Variants in CTNNA2 observed in about 807,000 individuals in gnomAD.
CTNNA2 encodes the protein catenin alpha-2.
CTNNA2 carries 42 observed loss-of-function variants against 101.0 expected under a neutral mutation model. The ratio of observed to expected loss-of-function variants is 0.42; its 90% CI spans 0.32 to 0.54. The LOEUF (loss-of-function observed/expected upper bound fraction) is 0.54. CTNNA2 is among the 20% of genes least tolerant of loss of function. CTNNA2 has a pLI of 0.14. For synonymous variants in CTNNA2, 450 were observed against 456.4 expected (o/e 0.99, Z 0.18); for missense variants, 871 against 1,223.1 (o/e 0.71, Z 4.29).
rs1680060786 is a variant in CTNNA2, at chr2:79,636,294, A to AAAAAAAAAG, written c.-5-15253_-5-15252insAAAGAAAAA. ...CAAAAAAAAAAAAAAAAAAAAAAAA[A>AAAAAAAAAG]AAAAAGGAAGAAAAAGAAAAGAAAT... is the stretch of plus-strand genomic sequence containing the variant. On this transcript the variant is annotated intron_variant, in intron 1 of 18. Coordinates refer to ENST00000402739, the MANE Select transcript of CTNNA2 (RefSeq NM_001282597.3). 5.3e-5 allele frequency among the ~76,000 whole-genome samples: 7 copies of AAAAAAAAAG among 131,628 alleles called. 1 individual carries two copies. The highest frequency in any genetic ancestry group is 2.1e-4 in the African/African-American group (7 of 33,002). 86.4% of individuals were successfully genotyped at this position (131,628 alleles called of 152,430 possible). A position where few individuals can be genotyped will look rare whatever the true frequency, so the allele number is the denominator to read the frequency against.
At chr2:79,884,751 C>CTTTTTTTTTTTTTTTTTTTTTTTTT (rs375184305) in intron 6 of CTNNA2, among the ~76,000 whole-genome samples, 2 of 138,406 alleles carry the variant, frequency 1.4e-5, no homozygotes. Context: ...TTTAAATATG[C>CTTTTTTTTTTTTTTTTTTTTTTTTT]TTTTTTTTTT....
chr2:80,552,013 G>A (rs551353537), intron 11 of CTNNA2, among the ~76,000 whole-genome samples: 31 of 152,020 alleles, frequency 2.0e-4, no homozygotes, highest in Middle Eastern at 6.8e-3. Context: ...ATATTGTTGC[G>A]TCTCAGGGAA....
At chr2:80,457,041 C>A (rs540898554) in intron 9 of CTNNA2, among the ~76,000 whole-genome samples, 3 of 152,074 alleles carry the variant, frequency 2.0e-5, no homozygotes, top group Non-Finnish European at 4.4e-5. Context: ...TTGATATGCC[C>A]ATTGCCCTGA....
At chr2:79,715,685 A>G (rs1026856760) in intron 2 of CTNNA2, among the ~76,000 whole-genome samples, 5 of 152,170 alleles carry the variant, frequency 3.3e-5, no homozygotes, top group African/African-American at 9.7e-5. Context: ...TTCATCAATT[A>G]GAGGAAATGC....
At chr2:80,623,967 C>T (rs992966060) in intron 18 of CTNNA2, among the ~76,000 whole-genome samples, 5 of 144,446 alleles carry the variant, frequency 3.5e-5, no homozygotes, top group African/African-American at 1.2e-4. Context: ...AGCATGAGAA[C>T]TAAGAAAGAT....
At chr2:80,100,432 C>T (rs913311400) in intron 7 of CTNNA2, among the ~76,000 whole-genome samples, 1 of 152,212 alleles carries the variant, frequency 6.6e-6, no homozygotes, top group Non-Finnish European at 1.5e-5. Context: ...TTGTCTGTCT[C>T]ACTTTTTAAG....
intron 2 of CTNNA2, among the ~76,000 whole-genome samples, chr2:79,255,834 T>C (rs963918759): frequency 2.0e-5 from 3 of 152,170 alleles, no homozygotes; most frequent in African/African-American, 7.2e-5. Flanking sequence ...ATGAGGAAAG[T>C]TTCTTAGCTT....
At chr2:80,289,987 C>A (rs4522631) in intron 7 of CTNNA2, among the ~76,000 whole-genome samples, 1,905 of 152,230 alleles carry the variant, frequency 0.013, 40 homozygotes, top group African/African-American at 0.041. Context: ...AGGGGCCAAC[C>A]ACAGAGCTTG....
chr2:79,404,522 C>A (rs1350975359), intron 4 of CTNNA2, among the ~76,000 whole-genome samples: 1 of 152,022 alleles, frequency 6.6e-6, no homozygotes, highest in Non-Finnish European at 1.5e-5. Context: ...AATACTATAA[C>A]AAGAGCTGCC....
intron 7 of CTNNA2, among the ~76,000 whole-genome samples, chr2:80,188,472 A>G (rs1304987403): frequency 6.6e-6 from 1 of 152,160 alleles, no homozygotes; most frequent in Non-Finnish European, 1.5e-5. Context: ...TGAAACAACA[A>G]AAATTTATTA....
chr2:79,612,623 G>A (rs1316856730), intron 1 of CTNNA2, among the ~76,000 whole-genome samples: 1 of 152,124 alleles, frequency 6.6e-6, no homozygotes, highest in African/African-American at 2.4e-5. Flanking sequence ...AAAAAATTCA[G>A]ATGATTGTAG....
chr2:79,746,545 T>C (rs1348427440), intron 3 of CTNNA2, among the ~76,000 whole-genome samples: 1 of 152,238 alleles, frequency 6.6e-6, no homozygotes, highest in African/African-American at 2.4e-5. Context: ...GCACGTTGCA[T>C]AAATCTTAGT....
intron 3 of CTNNA2, chr2:79,339,497 A>G (rs1991920): frequency 0.13 from 20,361 of 152,232 alleles, 1,522 homozygotes; most frequent in Middle Eastern, 0.21. Flanking sequence ...TTCTTAAAAT[A>G]GTGAGTCTTT....
chr2:79,711,493 A>T (rs1441800992), intron 2 of CTNNA2, among the ~76,000 whole-genome samples: 1 of 152,216 alleles, frequency 6.6e-6, no homozygotes, highest in African/African-American at 2.4e-5. Flanking sequence ...AATACAAAAG[A>T]CAACCGAGTA....
Position 79,499,817 on chromosome 2 carries a change from C to G in CTNNA2, c.-134-5237C>G, listed in dbSNP as rs76237699. 2.5e-3 allele frequency among the ~76,000 whole-genome samples: 379 copies of G among 152,320 alleles called. 1 individual carries two copies. Among genetic ancestry groups the G allele is most frequent in the African/African-American group, 8.8e-3 (365 of 41,578 alleles). On this transcript the variant is annotated intron_variant, in intron 4 of 21. Coordinates refer to the CTNNA2 transcript ENST00000466387. ...GTATTATCAGAGTTCTCCAGAGAAA[C>G]AGAACCAATATGATTTGTGTGTATA... is the stretch of plus-strand genomic sequence containing the variant.
At chr2:80,173,820 G>GA (rs1350660113) in intron 7 of CTNNA2, among the ~76,000 whole-genome samples, 1 of 152,060 alleles carries the variant, frequency 6.6e-6, no homozygotes, top group African/African-American at 2.4e-5. Flanking sequence ...CTCACCTAGG[G>GA]AATGTACACA....
At chr2:79,517,630 A>G (rs963435597) in intron 1 of CTNNA2, among the ~76,000 whole-genome samples, 1 of 152,190 alleles carries the variant, frequency 6.6e-6, no homozygotes, top group Non-Finnish European at 1.5e-5. Context: ...TCAGCTTTAT[A>G]TTATACTACC....
chr2:79,590,760 A>G (rs1676795363), intron 1 of CTNNA2, among the ~76,000 whole-genome samples: 2 of 152,186 alleles, frequency 1.3e-5, no homozygotes, highest in South Asian at 4.1e-4. Context: ...TTGTCTTGCA[A>G]TACCAGTAGT....
chr2:79,914,896 A>G (rs1424858663), intron 7 of CTNNA2, among the ~76,000 whole-genome samples: 2 of 152,112 alleles, frequency 1.3e-5, no homozygotes, highest in Non-Finnish European at 2.9e-5. Flanking sequence ...GGGAACATAT[A>G]TACATATTAC....
Sources: gnomAD v4.1 joint callset for allele counts (sites outside exome capture counted in the v4.1 genomes callset) on GRCh38, gnomAD v4.1.1 for gene constraint, MANE v1.5 for transcripts, NCBI Gene and HGNC (gene_info 2026-07-23, HGNC 2026-07-21) for gene names.